Variants in GTF3C1 observed in about 807,000 individuals in gnomAD.
GTF3C1 encodes general transcription factor 3C polypeptide 1.
GTF3C1 carries 57 observed loss-of-function variants against 226.7 expected under a neutral mutation model. The observed-to-expected ratio is 0.25, with a 90% CI of 0.20 to 0.31. The LOEUF (loss-of-function observed/expected upper bound fraction) is 0.31, where lower values mean the gene tolerates loss of function less well. Among genes scored for constraint, GTF3C1 ranks in the 10% least tolerant of loss-of-function variants. GTF3C1 has a pLI of 1.00. For synonymous variants in GTF3C1, 1,090 were observed against 1,084.8 expected (o/e 1.00, Z -0.09); for missense variants, 2,217 against 2,776.1 (o/e 0.80, Z 4.53).
At position 27,471,834 on chromosome 16, in the gene GTF3C1, G is replaced by A; in HGVS notation, c.4440C>T (p.Arg1480=). The A allele has an allele frequency of 1.2e-6, 2 of 1,613,956 alleles. No individual in the cohort carries two copies. Among genetic ancestry groups the A allele is most frequent in the Non-Finnish European group, 1.7e-6 (2 of 1,179,834 alleles). The change falls in exon 30 of 37, where the codon CGC becomes CGT. Residue 1480 remains arginine, a synonymous_variant. Transcript: ENST00000356183. The surrounding 1 kb of genome is among the most constrained non-coding windows in gnomAD (Gnocchi z 5.0). ...TGGGGCCCAGCGTGTGGTTGACCCG[G>A]CGCCGGTTGACCAAGCTCCTCTTCT... ...ECQKRSLVNR[R]RVNHTLGPKK...
intron 28 of GTF3C1, 112 bp from the exon 29 acceptor site, chr16:27,476,656 A>C (rs2087955057): frequency 1.5e-6 from 1 of 661,340 alleles, no homozygotes; most frequent in Non-Finnish European, 2.7e-6. Context: ...CACAAATGCC[A>C]AAACTATTCA....
At chr16:27,516,438 A>G (rs1218570793) in intron 6 of GTF3C1, among the ~76,000 whole-genome samples, 2 of 152,114 alleles carry the variant, frequency 1.3e-5, no homozygotes, top group Non-Finnish European at 2.9e-5. Flanking sequence ...CTCTCCGGAT[A>G]TTTTGGCCAT....
intron 27 of GTF3C1, among the ~76,000 whole-genome samples, chr16:27,479,597 T>C (rs2088007586): frequency 6.6e-6 from 1 of 152,208 alleles, no homozygotes; most frequent in Non-Finnish European, 1.5e-5. Context: ...GCCTCCCAAG[T>C]AGCTGGGATT....
At chr16:27,476,170 T>C (rs1199331334) in intron 29 of GTF3C1, among the ~76,000 whole-genome samples, 1 of 152,210 alleles carries the variant, frequency 6.6e-6, no homozygotes, top group Non-Finnish European at 1.5e-5. Context: ...AAAGGTACTA[T>C]GTGGGGTGAT....
Position 27,542,567 on chromosome 16 carries a change from GA to G in GTF3C1, c.431+2746del, listed in dbSNP as rs143747018. Among the ~76,000 whole-genome samples, 1,177 of 136,162 alleles carry G rather than the reference GA, an allele frequency of 8.6e-3. 17 individuals are homozygous for G. The highest frequency in any genetic ancestry group is 0.028 in the African/African-American group (1,046 of 36,896). The allele number at this position is 136,162 out of a possible 152,430, so 89.3% of individuals were successfully genotyped here. ...CAAGAGCAAAACCCCGCCTCAAAAAGAAAAAAAAAAAAAAGTTTAATCCCCA... is the reference window on the plus strand; with the variant it reads ...CAAGAGCAAAACCCCGCCTCAAAAAGAAAAAAAAAAAAAGTTTAATCCCCA... On this transcript the variant is annotated intron_variant, in intron 2 of 36. Transcript: ENST00000356183.
At chr16:27,484,409 G>C in intron 24 of GTF3C1, 56 bp from the exon 25 acceptor site, 1 of 1,280,938 alleles carries the variant, frequency 7.8e-7, no homozygotes, top group South Asian at 1.2e-5. Context: ...ACGACATCAT[G>C]GGGAATTACC....
chr16:27,532,935 C>T (rs573079735), intron 5 of GTF3C1, among the ~76,000 whole-genome samples: 1 of 152,232 alleles, frequency 6.6e-6, no homozygotes, highest in African/African-American at 2.4e-5. Flanking sequence ...GGGTTCAAGA[C>T]CAGCTTGGCC....
intron 23 of GTF3C1, among the ~76,000 whole-genome samples, chr16:27,487,849 T>A (rs1017607452): frequency 5.3e-5 from 8 of 152,192 alleles, no homozygotes; most frequent in Non-Finnish European, 1.2e-4. Context: ...TTGGCCTGAT[T>A]AGCATAAACA....
chr16:27,476,392 C>A (rs750694202), intron 29 of GTF3C1, 59 bp downstream of exon 29: 8 of 1,097,688 alleles, frequency 7.3e-6, no homozygotes, highest in Non-Finnish European at 1.1e-5. Context: ...CAGCACCTCA[C>A]GAGCCTGGCC....
chr16:27,499,650 C>T (rs1422830784), intron 12 of GTF3C1, among the ~76,000 whole-genome samples: 6 of 152,192 alleles, frequency 3.9e-5, no homozygotes, highest in Non-Finnish European at 7.4e-5. Flanking sequence ...GACCACCCTG[C>T]CCCCACCCCC....
Position 27,489,108 on chromosome 16 carries a change from T to C in GTF3C1, c.3364A>G (p.Ser1122Gly). 6.2e-7 allele frequency: 1 copy of C among 1,614,042 alleles called. No individual in the cohort carries two copies. The highest frequency in any genetic ancestry group is 8.5e-7 in the Non-Finnish European group (1 of 1,179,930). The change falls in exon 21 of 37, where the codon AGC (serine) becomes GGC (glycine). Residue 1122 changes from serine (S) to glycine (G), a missense_variant. This residue lies in a region of GTF3C1 where 546 missense variants were observed against 663.0 expected (regional missense o/e 0.82). Transcript: ENST00000356183. ...DGLGAAGLDS[S>G]FYGHLKRNWI... is the part of the protein sequence containing the mutation. Reference sequence around the variant, plus strand: ...TTGCGCTTGAGGTGTCCGTAGAAGCTGGAATCGAGCCCTGCGGCACCCAGC... The same window carrying C: ...TTGCGCTTGAGGTGTCCGTAGAAGCCGGAATCGAGCCCTGCGGCACCCAGC...
chr16:27,497,878 G>C, intron 13 of GTF3C1, 57 bp from the exon 14 acceptor site: 1 of 1,408,554 alleles, frequency 7.1e-7, no homozygotes, highest in Admixed American at 1.9e-5. Context: ...CTAAGAGAAA[G>C]GACAGAGTCT....
rs879864742 is a variant in GTF3C1, at chr16:27,471,618, T to C, written c.4526+130A>G. 2.9e-5 allele frequency: 21 copies of C among 713,550 alleles called. No homozygotes were observed. The highest frequency in any genetic ancestry group is 1.7e-5 in the Non-Finnish European group (7 of 411,226). 44.2% of individuals were successfully genotyped at this position (713,550 alleles called of 1,614,324 possible). ...GGGCTGCAGGAAACCCAAGCCGGCA[T>C]CTTGCACATGAGGCTGCGAAGGTCC... On this transcript the variant is annotated intron_variant, in intron 30 of 36. Transcript: ENST00000356183. The surrounding 1 kb of genome is among the most constrained non-coding windows in gnomAD (Gnocchi z 5.0).
intron 23 of GTF3C1, among the ~76,000 whole-genome samples, chr16:27,487,096 T>G (rs2088151569): frequency 1.3e-5 from 2 of 152,198 alleles, no homozygotes; most frequent in South Asian, 2.1e-4. Context: ...GTCTTCCAAA[T>G]TAAGGCAGAA....
chr16:27,475,940 C>G (rs556166428), intron 29 of GTF3C1, among the ~76,000 whole-genome samples: 1 of 152,326 alleles, frequency 6.6e-6, no homozygotes, highest in Admixed American at 6.5e-5. Context: ...TTAAAAACCT[C>G]AGCTCTGGGA....
rs2087984789 is a variant in GTF3C1 at position 27,478,363 on chromosome 16, C to T, written c.4259+106G>A. The T allele has an allele frequency of 5.0e-6, 4 of 796,934 alleles. No individual in the cohort carries two copies. In the East Asian group the frequency reaches 1.0e-4, roughly 20 times the overall value. The allele number at this position is 796,934 out of a possible 1,614,324, so 49.4% of individuals were successfully genotyped here. A position where few individuals can be genotyped will look rare whatever the true frequency, so the allele number is the denominator to read the frequency against. On this transcript the variant is annotated intron_variant, in intron 28 of 36. Coordinates refer to ENST00000356183, the MANE Select transcript of GTF3C1 (RefSeq NM_001520.4). ...GCCAGTAAAATTTTGTTCACACAAACAGGTAGTGGGCTGGATTTGGCCCTA... is the reference window on the plus strand; with the variant it reads ...GCCAGTAAAATTTTGTTCACACAAATAGGTAGTGGGCTGGATTTGGCCCTA...
intron 6 of GTF3C1, among the ~76,000 whole-genome samples, chr16:27,519,415 T>C (rs1240874204): frequency 1.3e-5 from 2 of 152,154 alleles, no homozygotes; most frequent in Non-Finnish European, 2.9e-5. Context: ...GAGGGAGGCC[T>C]GGAAGGGAGT....
intron 2 of GTF3C1, among the ~76,000 whole-genome samples, chr16:27,544,628 G>C (rs567916855): frequency 1.3e-5 from 2 of 152,112 alleles, no homozygotes; most frequent in East Asian, 3.9e-4. Context: ...GCCCTGTAAA[G>C]TAGGAAGGAA....
chr16:27,461,561 C>A lies in GTF3C1; in HGVS notation c.6119G>T (p.Gly2040Val), dbSNP rs2087706599. The A allele has an allele frequency of 1.2e-6, 2 of 1,610,116 alleles. No homozygotes were observed. Among genetic ancestry groups the A allele is most frequent in the African/African-American group, 2.7e-5 (2 of 74,842 alleles). The change falls in exon 37 of 37, where the codon GGC becomes GTC. Residue 2040 changes from glycine (G) to valine (V), a missense_variant and splice_region_variant. Gly to Val is a moderately radical substitution (Grantham distance 109, BLOSUM62 -3). Coordinates refer to ENST00000356183, the MANE Select transcript of GTF3C1 (RefSeq NM_001520.4). This position sits in a 1 kb window ranked among gnomAD's most constrained non-coding sequence, Gnocchi z 5.3. ...CCGGATGCAGCCGAGGGACTCCAGG[C>A]CCTGGAGACACCAGACACACAGGTT... ...QPVAVLELLQ[G>V]LESLGCIRKR...
Sources: allele counts gnomAD v4.1 joint callset (sites outside exome capture counted in the v4.1 genomes callset), GRCh38; gene constraint gnomAD v4.1.1; regional missense constraint gnomAD v4.1.1; non-coding constraint Gnocchi (gnomAD v3.1); transcripts MANE v1.5; gene names NCBI Gene and HGNC (gene_info 2026-07-23, HGNC 2026-07-21).